The following SLC15A1 variants were observed in gnomAD, a reference collection of about 807,000 sequenced individuals.
SLC15A1 encodes the protein solute carrier family 15 member 1.
SLC15A1 carries 83 observed loss-of-function variants against 92.9 expected under a neutral mutation model. The observed-to-expected ratio is 0.89, with a 90% CI of 0.75 to 1.07. The LOEUF (loss-of-function observed/expected upper bound fraction) is 1.07, where lower values mean the gene tolerates loss of function less well. Among genes scored for constraint, SLC15A1 ranks in the 50% least tolerant of loss-of-function variants. The pLI, the probability that SLC15A1 is intolerant of heterozygous loss-of-function variation, is 0.00. For missense variants in SLC15A1, 857 were observed against 880.1 expected (o/e 0.97, Z 0.33); for synonymous variants, 322 against 318.2 (o/e 1.01, Z -0.13).
chr13:98,698,392 AG>A (rs2088040238), intron 18 of SLC15A1, among the ~76,000 whole-genome samples: 1 of 152,172 alleles, frequency 6.6e-6, no homozygotes, highest in Non-Finnish European at 1.5e-5. Flanking sequence ...GAAAAGTAAA[AG>A]TCCATTTCAC....
At chr13:98,718,674 T>C (rs1421981701) in intron 8 of SLC15A1, among the ~76,000 whole-genome samples, 6 of 152,102 alleles carry the variant, frequency 3.9e-5, no homozygotes, top group African/African-American at 1.4e-4. Context: ...AAATATGTGG[T>C]GGCCGGTGCC....
chr13:98,739,961 G>A (rs2139607942), intron 1 of SLC15A1, among the ~76,000 whole-genome samples: 1 of 152,254 alleles, frequency 6.6e-6, no homozygotes, highest in East Asian at 1.9e-4. Flanking sequence ...GCAGAGGTGA[G>A]GAGGTAGCCA....
chr13:98,752,547 G>C, intron 1 of SLC15A1, 48 bp downstream of exon 1: 1 of 1,273,834 alleles, frequency 7.9e-7, no homozygotes. Context: ...CCCGCCCCGC[G>C]TAGCTCCGAG....
chr13:98,742,725 C>T (rs2088458797), intron 1 of SLC15A1, among the ~76,000 whole-genome samples: 1 of 152,180 alleles, frequency 6.6e-6, no homozygotes, highest in Admixed American at 6.5e-5. Context: ...TCACGTGGCG[C>T]TTGCCCTGTG....
At chr13:98,704,041 AC>A (rs1282003939) in intron 17 of SLC15A1, among the ~76,000 whole-genome samples, 1 of 152,206 alleles carries the variant, frequency 6.6e-6, no homozygotes, top group African/African-American at 2.4e-5. Flanking sequence ...CTGTGCACAG[AC>A]CCCATACAAT....
At chr13:98,732,426 G>A (rs2088358411) in intron 1 of SLC15A1, among the ~76,000 whole-genome samples, 1 of 151,434 alleles carries the variant, frequency 6.6e-6, no homozygotes, top group African/African-American at 2.4e-5. Flanking sequence ...TGAAATAAGT[G>A]TATATTATAC....
intron 18 of SLC15A1, among the ~76,000 whole-genome samples, chr13:98,689,178 G>T (rs776118975): frequency 2.6e-5 from 4 of 152,172 alleles, no homozygotes; most frequent in Non-Finnish European, 5.9e-5. Flanking sequence ...GACCTCAGAC[G>T]ATCTGCCCAC....
At chr13:98,717,321 G>A (rs1211623495) in intron 8 of SLC15A1, among the ~76,000 whole-genome samples, 2 of 152,194 alleles carry the variant, frequency 1.3e-5, no homozygotes, top group African/African-American at 4.8e-5. Context: ...AGATGTCCAA[G>A]AGATTGAGTC....
chr13:98,747,957 C>T (rs531308957), intron 1 of SLC15A1, among the ~76,000 whole-genome samples: 19 of 152,274 alleles, frequency 1.2e-4, no homozygotes, highest in African/African-American at 3.6e-4. Flanking sequence ...TTGTAAGAGA[C>T]GTGAAAGACC....
chr13:98,734,164 C>T (rs4771315), intron 1 of SLC15A1, among the ~76,000 whole-genome samples: 80,027 of 151,872 alleles, frequency 0.53, 22,483 homozygotes, highest in African/African-American at 0.73. Context: ...CGGGGTTTCA[C>T]CATGTTGGCC....
intron 9 of SLC15A1, among the ~76,000 whole-genome samples, chr13:98,714,031 T>G (rs566953507): frequency 6.9e-6 from 1 of 145,208 alleles, no homozygotes; most frequent in South Asian, 2.2e-4. Flanking sequence ...CTAGCCTGGG[T>G]GTCAGAGTGA....
At chr13:98,711,744 A>G in intron 11 of SLC15A1, 110 bp downstream of exon 11, 1 of 700,114 alleles carries the variant, frequency 1.4e-6, no homozygotes, top group South Asian at 1.9e-5. Context: ...ATAAATAAGA[A>G]ACTGGAGGAG....
chr13:98,734,630 C>T (rs988832412), intron 1 of SLC15A1, among the ~76,000 whole-genome samples: 20 of 152,108 alleles, frequency 1.3e-4, no homozygotes, highest in African/African-American at 1.9e-4. Flanking sequence ...ATTAAATAGA[C>T]GCAATAAAAA....
chr13:98,741,561 G>T (rs2088446946), intron 1 of SLC15A1, among the ~76,000 whole-genome samples: 1 of 151,984 alleles, frequency 6.6e-6, no homozygotes, highest in African/African-American at 2.4e-5. Flanking sequence ...CATGGTGAGA[G>T]CCCGTCTCTA....
Position 98,684,482 on chromosome 13 carries a change from T to A in SLC15A1, c.*242A>T. 3.4e-6 allele frequency: 1 copy of A among 297,708 alleles called. No homozygotes were observed. Among genetic ancestry groups the A allele is most frequent in the Non-Finnish European group, 6.0e-6 (1 of 167,016 alleles). 18.4% of individuals were successfully genotyped at this position (297,708 alleles called of 1,614,324 possible). On this transcript the variant is annotated 3_prime_UTR_variant, in exon 23 of 23. Transcript: ENST00000376503. ...ATTACTTGAACCTGGGAGGCGGAGG[T>A]TGCAGTGAGCTGAGATCGTGCCATT...
chr13:98,717,530 C>T (rs373511597), intron 8 of SLC15A1, among the ~76,000 whole-genome samples: 59 of 152,300 alleles, frequency 3.9e-4, no homozygotes, highest in African/African-American at 1.4e-3. Flanking sequence ...GTGCTTAATA[C>T]AGTGTCTGGT....
chr13:98,686,234 T>G lies in SLC15A1; in HGVS notation c.1891A>C (p.Ile631Leu). The change falls in exon 22 of 23, where the codon ATC (isoleucine) becomes CTC (leucine). Residue 631 changes from isoleucine to leucine, a missense_variant. Physicochemically the swap from Ile to Leu is conservative, Grantham distance 5. Transcript: ENST00000376503. Reference protein sequence around the residue: ...GWLLTVAVGNIIVLIVAGAGQ... With the variant: ...GWLLTVAVGNLIVLIVAGAGQ... ...GCCCCTGCCACGATGAGCACAATGA[T>G]GTTGCCAACAGCCACGGTCAGCAGC... 1 of 1,613,924 alleles carries G rather than the reference T, an allele frequency of 6.2e-7. No homozygotes were observed. The highest frequency in any genetic ancestry group is 8.5e-7 in the Non-Finnish European group (1 of 1,179,968).
At chr13:98,734,459 A>G (rs2088374412) in intron 1 of SLC15A1, among the ~76,000 whole-genome samples, 1 of 152,130 alleles carries the variant, frequency 6.6e-6, no homozygotes, top group Non-Finnish European at 1.5e-5. Context: ...ACGGAGGGCA[A>G]GCTGAAGCAG....
rs1280979166 is a variant in SLC15A1, at chr13:98,721,814, T to C, written c.455A>G (p.Glu152Gly). The C allele has an allele frequency of 1.2e-6, 2 of 1,614,144 alleles. No homozygotes were observed. Among genetic ancestry groups the C allele is most frequent in the South Asian group, 2.2e-5 (2 of 91,066 alleles). The change falls in exon 6 of 23, where the codon GAA (glutamate) becomes GGA (glycine). Residue 152 changes from glutamate to glycine, a missense_variant. By Grantham distance (98) the Glu-to-Gly change is moderately conservative. Transcript: ENST00000376503. ...CVSAFGGDQF[E>G]EGQEKQRNRF... ...GGCCCCTACCCTTACCTGGCCCTCTTCAAACTGATCTCCACCAAACGCAGA... is the reference window on the plus strand; with the variant it reads ...GGCCCCTACCCTTACCTGGCCCTCTCCAAACTGATCTCCACCAAACGCAGA...
Sources: gnomAD v4.1 joint callset for allele counts (sites outside exome capture counted in the v4.1 genomes callset) on GRCh38, gnomAD v4.1.1 for gene constraint, MANE v1.5 for transcripts, NCBI Gene and HGNC (gene_info 2026-07-23, HGNC 2026-07-21) for gene names.